CADPS2: variants seen among roughly 807,000 people sequenced by gnomAD.
The protein encoded by CADPS2 is calcium-dependent secretion activator 2.
A neutral mutation model predicts 172.5 loss-of-function variants in CADPS2; 93 were observed. The observed-to-expected ratio is 0.54, with a 90% CI of 0.46 to 0.64. CADPS2 has a LOEUF of 0.64. Ranked by LOEUF, CADPS2 falls within the 30% of genes least tolerant of loss-of-function variation. CADPS2 has a pLI of 0.00. For synonymous variants in CADPS2, 546 were observed against 555.2 expected (o/e 0.98, Z 0.23); for missense variants, 1,420 against 1,565.9 (o/e 0.91, Z 1.57).
At chr7:122,760,934 C>T (rs1382866348) in intron 1 of CADPS2, among the ~76,000 whole-genome samples, 5 of 152,058 alleles carry the variant, frequency 3.3e-5, no homozygotes, top group African/African-American at 9.6e-5. Flanking sequence ...GCACGTTGTG[C>T]ACATGTACCC....
chr7:122,339,575 T>C (rs2036456457), intron 28 of CADPS2, among the ~76,000 whole-genome samples: 1 of 152,212 alleles, frequency 6.6e-6, no homozygotes, highest in African/African-American at 2.4e-5. Context: ...TGGGCATTGA[T>C]GTGAAGCACT....
intron 1 of CADPS2, among the ~76,000 whole-genome samples, chr7:122,862,701 T>C (rs1043219375): frequency 6.6e-5 from 10 of 151,974 alleles, no homozygotes; most frequent in African/African-American, 2.4e-4. Context: ...CCTAACTCAA[T>C]AATGATCAAT....
At chr7:122,424,809 C>T (rs1297577200) in intron 17 of CADPS2, among the ~76,000 whole-genome samples, 1 of 152,120 alleles carries the variant, frequency 6.6e-6, no homozygotes, top group African/African-American at 2.4e-5. Flanking sequence ...AATATATCTA[C>T]AGCATTGCTG....
chr7:122,848,491 G>A (rs946956736), intron 1 of CADPS2, among the ~76,000 whole-genome samples: 1 of 152,118 alleles, frequency 6.6e-6, no homozygotes, highest in African/African-American at 2.4e-5. Context: ...ACCCCCAAAG[G>A]CTCTAAAATA....
At chr7:122,351,203 C>T (rs897880843) in intron 27 of CADPS2, among the ~76,000 whole-genome samples, 7 of 150,504 alleles carry the variant, frequency 4.7e-5, no homozygotes, top group African/African-American at 7.3e-5. Flanking sequence ...TAAACATCGT[C>T]TCTACTAAAA....
intron 9 of CADPS2, among the ~76,000 whole-genome samples, chr7:122,492,885 G>A (rs1295978949): frequency 6.6e-6 from 1 of 151,984 alleles, no homozygotes; most frequent in Non-Finnish European, 1.5e-5. Flanking sequence ...TATTTATAGA[G>A]AAAAGGTCTC....
In CADPS2 at chr7:122,571,084, G is replaced by A. The variant is rs1173018508; in HGVS notation, c.1335+10095C>T. Among the ~76,000 whole-genome samples the A allele has an allele frequency of 2.0e-5, 3 of 152,034 alleles. No homozygotes were observed. In the South Asian group the frequency reaches 6.2e-4, roughly 32 times the overall value. ...AATAACAGGACAAGCCAAAGACTGA[G>A]AGAAAAGTATTTATATCACACTCTC... On this transcript the variant is annotated intron_variant, in intron 7 of 29. Transcript: ENST00000449022.
At chr7:122,583,464 A>T (rs979141808) in intron 6 of CADPS2, among the ~76,000 whole-genome samples, 1 of 151,818 alleles carries the variant, frequency 6.6e-6, no homozygotes. Flanking sequence ...TCTTAAAAGG[A>T]ATATTTTCAG....
chr7:122,616,848 G>A (rs2074983029), intron 5 of CADPS2, among the ~76,000 whole-genome samples: 2 of 152,210 alleles, frequency 1.3e-5, no homozygotes, highest in South Asian at 4.1e-4. Flanking sequence ...TATACAAAAT[G>A]AAACCAGAAG....
At chr7:122,390,747 T>C (rs1407162543) in intron 22 of CADPS2, among the ~76,000 whole-genome samples, 1 of 152,098 alleles carries the variant, frequency 6.6e-6, no homozygotes, top group African/African-American at 2.4e-5. Flanking sequence ...AGGCTTTCTC[T>C]GGAGTTGGTA....
chr7:122,341,209 G>A (rs934195445), intron 28 of CADPS2, among the ~76,000 whole-genome samples: 8 of 152,142 alleles, frequency 5.3e-5, no homozygotes, highest in Non-Finnish European at 8.8e-5. Context: ...AGCTACTTTT[G>A]TAGATAGATT....
intron 4 of CADPS2, 40 bp downstream of exon 4, chr7:122,629,208 G>T: frequency 2.0e-6 from 3 of 1,467,000 alleles, no homozygotes; most frequent in Non-Finnish European, 2.8e-6. Flanking sequence ...TCTAGGTAAA[G>T]AAAGGAATGT....
At chr7:122,628,783 T>C (rs552168583) in intron 4 of CADPS2, among the ~76,000 whole-genome samples, 1 of 148,294 alleles carries the variant, frequency 6.7e-6, no homozygotes, top group African/African-American at 2.5e-5. Context: ...CCAGATTGCA[T>C]ACTAGATACT....
At chr7:122,347,343 C>T (rs2037830958) in intron 27 of CADPS2, among the ~76,000 whole-genome samples, 1 of 151,942 alleles carries the variant, frequency 6.6e-6, no homozygotes, top group Non-Finnish European at 1.5e-5. Context: ...CATCTCTTAA[C>T]CAATATATAG....
intron 28 of CADPS2, chr7:122,331,765 G>A (rs997143493): frequency 2.6e-5 from 4 of 152,206 alleles, no homozygotes; most frequent in African/African-American, 9.6e-5. Context: ...GCACAAAACT[G>A]AGTTTAGATT....
chr7:122,695,300 A>G (rs2084928211), intron 2 of CADPS2, among the ~76,000 whole-genome samples: 1 of 152,230 alleles, frequency 6.6e-6, no homozygotes, highest in South Asian at 2.1e-4. Flanking sequence ...AATTCTTACA[A>G]GGAACATAAA....
At chr7:122,841,286 A>G (rs1412813919) in intron 1 of CADPS2, among the ~76,000 whole-genome samples, 1 of 152,186 alleles carries the variant, frequency 6.6e-6, no homozygotes, top group African/African-American at 2.4e-5. Flanking sequence ...TACTTATTAC[A>G]AAGTACCAAT....
At chr7:122,743,558 G>A (rs1450413459) in intron 1 of CADPS2, among the ~76,000 whole-genome samples, 3 of 152,160 alleles carry the variant, frequency 2.0e-5, no homozygotes, top group Non-Finnish European at 2.9e-5. Flanking sequence ...CCACAGCAAA[G>A]TGGCAGAAAA....
chr7:122,359,360 A>G (rs798688), intron 27 of CADPS2, among the ~76,000 whole-genome samples: 150,942 of 152,200 alleles, frequency 0.99, 74,850 homozygotes, highest in East Asian at 1. Context: ...ATTAAACAGC[A>G]CCCAAGTGAA....
Sources: gnomAD v4.1 joint callset for allele counts (sites outside exome capture counted in the v4.1 genomes callset) on GRCh38, gnomAD v4.1.1 for gene constraint, MANE v1.5 for transcripts, NCBI Gene and HGNC (gene_info 2026-07-23, HGNC 2026-07-21) for gene names.